The following TMEM232 variants were observed in gnomAD, a reference collection of about 807,000 sequenced individuals.
TMEM232 encodes transmembrane protein 232.
Under a neutral mutation model 78.8 loss-of-function variants are expected in TMEM232, and 80 were observed. That is an observed-to-expected ratio of 1.01 (90% CI 0.85 to 1.22). The LOEUF is 1.22. Among genes scored for constraint, TMEM232 ranks in the 50% most tolerant of loss-of-function variants. TMEM232 has a pLI of 0.00. For missense variants in TMEM232, 881 were observed against 742.2 expected (o/e 1.19, Z -2.17); for synonymous variants, 297 against 254.3 (o/e 1.17, Z -1.60).
chr5:110,502,562 C>A (rs1766389496), intron 12 of TMEM232, among the ~76,000 whole-genome samples: 1 of 152,172 alleles, frequency 6.6e-6, no homozygotes, highest in Non-Finnish European at 1.5e-5. Context: ...TGTCACTCCT[C>A]CTGGTTAAAA....
chr5:110,393,073 T>C (rs1332389818), intron 3 of TMEM232, among the ~76,000 whole-genome samples: 1 of 152,198 alleles, frequency 6.6e-6, no homozygotes. Flanking sequence ...TTATTGATGT[T>C]TGTCTTATAG....
intron 10 of TMEM232, among the ~76,000 whole-genome samples, chr5:110,586,971 T>G (rs1449256818): frequency 1.3e-5 from 2 of 152,102 alleles, no homozygotes; most frequent in Non-Finnish European, 2.9e-5. Flanking sequence ...AAATAAAAAC[T>G]TGGATGACAT....
At chr5:110,598,272 A>C (rs892453943) in intron 10 of TMEM232, among the ~76,000 whole-genome samples, 7 of 152,182 alleles carry the variant, frequency 4.6e-5, no homozygotes, top group African/African-American at 1.7e-4. Context: ...GCTCATCATC[A>C]CTGGCCATCA....
intron 2 of TMEM232, 139 bp downstream of exon 2, chr5:110,667,089 C>G: frequency 1.6e-6 from 1 of 644,770 alleles, no homozygotes; most frequent in Admixed American, 3.7e-5. Context: ...TTACAATAAA[C>G]AAGGCTATTA....
chr5:110,578,946 T>C lies in TMEM232; in HGVS notation c.1277-10321A>G, dbSNP rs117033863. On this transcript the variant is annotated intron_variant, in intron 10 of 13. Transcript: ENST00000455884. ...GTGCTATACAATTTAGAAAACACAA[T>C]TGGCTGGACACTTCGCAAATCTAGG... Among the ~76,000 whole-genome samples, 28 of 151,826 alleles carry C rather than the reference T, an allele frequency of 1.8e-4. No homozygotes were observed. The East Asian group carries it at 4.7e-3, about 25-fold the overall frequency.
intron 12 of TMEM232, among the ~76,000 whole-genome samples, chr5:110,445,122 T>C (rs1456221062): frequency 6.6e-6 from 1 of 152,020 alleles, no homozygotes; most frequent in Non-Finnish European, 1.5e-5. Context: ...TAGAGTTTTT[T>C]TGGACATTTT....
intron 12 of TMEM232, among the ~76,000 whole-genome samples, chr5:110,438,900 A>G (rs1161221941): frequency 6.6e-6 from 1 of 152,156 alleles, no homozygotes; most frequent in Non-Finnish European, 1.5e-5. Context: ...TCATTTAACT[A>G]TAACTTTCAC....
intron 12 of TMEM232, among the ~76,000 whole-genome samples, chr5:110,437,516 A>C (rs897609070): frequency 9.9e-5 from 15 of 152,026 alleles, no homozygotes; most frequent in African/African-American, 3.4e-4. Flanking sequence ...ATATGAAAAG[A>C]GTTTCCAGTT....
chr5:110,726,176 C>CAG (rs1554087787), intron 1 of TMEM232, among the ~76,000 whole-genome samples: 1 of 151,380 alleles, frequency 6.6e-6, no homozygotes, highest in African/African-American at 2.4e-5. Context: ...TTTTGAAGTC[C>CAG]AAGAGTCTTC....
chr5:110,450,871 G>C (rs984072820), intron 12 of TMEM232, among the ~76,000 whole-genome samples: 3 of 152,142 alleles, frequency 2.0e-5, no homozygotes, highest in African/African-American at 7.2e-5. Context: ...TCTGAGTTAA[G>C]TTAGTTAGGC....
intron 12 of TMEM232, among the ~76,000 whole-genome samples, chr5:110,459,505 T>C (rs1385311824): frequency 6.6e-6 from 1 of 152,020 alleles, no homozygotes; most frequent in Non-Finnish European, 1.5e-5. Flanking sequence ...AAAAATGAAA[T>C]TGAAATTAAT....
chr5:110,605,964 T>C (rs2149831254), intron 9 of TMEM232, among the ~76,000 whole-genome samples, 200 bp downstream of exon 9: 1 of 152,152 alleles, frequency 6.6e-6, no homozygotes, highest in African/African-American at 2.4e-5. Flanking sequence ...AACCAAAATA[T>C]AAATTTTAAT....
chr5:110,639,513 G>T (rs934174956), intron 4 of TMEM232, among the ~76,000 whole-genome samples: 3 of 152,132 alleles, frequency 2.0e-5, no homozygotes, highest in Non-Finnish European at 4.4e-5. Context: ...CCTCTCATGT[G>T]CATGAGGACT....
chr5:110,493,087 C>T (rs1765282681), intron 12 of TMEM232, among the ~76,000 whole-genome samples: 1 of 151,746 alleles, frequency 6.6e-6, no homozygotes, highest in Admixed American at 6.6e-5. Flanking sequence ...TAAACAACAA[C>T]AACAAAACAC....
intron 1 of TMEM232, among the ~76,000 whole-genome samples, chr5:110,709,584 T>C (rs994927533): frequency 6.6e-5 from 10 of 152,066 alleles, no homozygotes; most frequent in African/African-American, 9.7e-5. Flanking sequence ...AAGAGGAATT[T>C]TGGAAACTAT....
intron 2 of TMEM232, among the ~76,000 whole-genome samples, chr5:110,413,534 C>G (rs1317109844): frequency 1.3e-5 from 2 of 152,124 alleles, no homozygotes; most frequent in African/African-American, 4.8e-5. Flanking sequence ...TCTAGAGAAC[C>G]CTGACACAGG....
chr5:110,523,786 C>G (rs1465149264), intron 12 of TMEM232, among the ~76,000 whole-genome samples: 1 of 151,658 alleles, frequency 6.6e-6, no homozygotes. Context: ...GGCCCTGTCT[C>G]TACAAAAATA....
intron 11 of TMEM232, among the ~76,000 whole-genome samples, chr5:110,543,174 C>T (rs567992169): frequency 2.0e-5 from 3 of 152,122 alleles, no homozygotes; most frequent in Non-Finnish European, 4.4e-5. Flanking sequence ...AATCCTGATG[C>T]TCATTTCATC....
chr5:110,669,812 C>A (rs994570570), intron 1 of TMEM232, among the ~76,000 whole-genome samples: 2 of 152,166 alleles, frequency 1.3e-5, no homozygotes, highest in Non-Finnish European at 2.9e-5. Flanking sequence ...CACTGGGATG[C>A]AAGGCTGGTT....
Sources: allele counts gnomAD v4.1 joint callset (sites outside exome capture counted in the v4.1 genomes callset), GRCh38; gene constraint gnomAD v4.1.1; transcripts MANE v1.5; gene names NCBI Gene and HGNC (gene_info 2026-07-23, HGNC 2026-07-21).